Variants in SPICE1 observed in about 807,000 individuals in gnomAD.
SPICE1 encodes the protein spindle and centriole-associated protein 1.
A neutral mutation model predicts 102.7 loss-of-function variants in SPICE1; 75 were observed. The observed-to-expected ratio is 0.73, with a 90% CI of 0.61 to 0.88. The LOEUF (loss-of-function observed/expected upper bound fraction) is 0.88, where lower values mean the gene tolerates loss of function less well. Among genes scored for constraint, SPICE1 ranks in the 40% least tolerant of loss-of-function variants. The pLI is 0.00. For missense variants in SPICE1, 979 were observed against 1,020.1 expected, an observed-to-expected ratio of 0.96 and a Z score of 0.55; for synonymous variants, 308 against 350.3, an observed-to-expected ratio of 0.88 and a Z score of 1.35.
At chr3:113,500,556 ATATG>A (rs1352383416) in intron 3 of SPICE1, among the ~76,000 whole-genome samples, 2 of 152,170 alleles carry the variant, frequency 1.3e-5, no homozygotes, top group African/African-American at 2.4e-5. Context: ...TGCAAACTGA[ATATG>A]TAAGCACAAA....
At chr3:113,466,439 G>A (rs148240912) in intron 10 of SPICE1, among the ~76,000 whole-genome samples, 3,914 of 151,836 alleles carry the variant, frequency 0.026, 63 homozygotes, top group East Asian at 0.054. Context: ...ATGAAACCCC[G>A]TCTCTACTAA....
At chr3:113,477,201 G>A (rs1936372379) in intron 7 of SPICE1, among the ~76,000 whole-genome samples, 1 of 152,062 alleles carries the variant, frequency 6.6e-6, no homozygotes. Context: ...ACCATCACTG[G>A]CCATCAGAGA....
chr3:113,445,722 T>C (rs1287036570), intron 17 of SPICE1, among the ~76,000 whole-genome samples: 2 of 152,190 alleles, frequency 1.3e-5, no homozygotes, highest in Non-Finnish European at 1.5e-5. Context: ...TAGCTTACTT[T>C]AAAGCTTTTG....
intron 11 of SPICE1, among the ~76,000 whole-genome samples, chr3:113,463,627 C>T (rs1453726826): frequency 6.6e-6 from 1 of 152,142 alleles, no homozygotes; most frequent in Non-Finnish European, 1.5e-5. Context: ...ATAAATTAAC[C>T]TTAAACATTA....
chr3:113,503,075 C>A (rs969212080), intron 3 of SPICE1, 105 bp downstream of exon 3: 8 of 1,196,720 alleles, frequency 6.7e-6, no homozygotes, highest in Non-Finnish European at 9.5e-6. Context: ...TTAAACATAA[C>A]TGAACAACTT....
chr3:113,504,563 C>G (rs7642163), intron 2 of SPICE1, among the ~76,000 whole-genome samples: 1 of 122,572 alleles, frequency 8.2e-6, no homozygotes, highest in African/African-American at 3.7e-5. Context: ...CATAGCAAGA[C>G]CTTGTCTCAA....
chr3:113,497,596 C>A (rs1234096166), intron 4 of SPICE1, among the ~76,000 whole-genome samples: 16 of 151,698 alleles, frequency 1.1e-4, no homozygotes, highest in African/African-American at 3.9e-4. Flanking sequence ...TAAAAAACAC[C>A]TACATGGGGC....
intron 7 of SPICE1, among the ~76,000 whole-genome samples, chr3:113,480,872 G>A (rs115182395): frequency 0.063 from 5,424 of 85,946 alleles, 149 homozygotes; most frequent in African/African-American, 0.12. Context: ...GTGAGATCCT[G>A]TCTCAAAAAA....
chr3:113,503,841 G>A (rs548961865), intron 2 of SPICE1, among the ~76,000 whole-genome samples: 1 of 151,286 alleles, frequency 6.6e-6, no homozygotes, highest in South Asian at 2.1e-4. Context: ...GCTGAGGCAG[G>A]AGAATCACTT....
At chr3:113,459,431 AAAAACAAAACAAAAC>A (rs140423755) in intron 12 of SPICE1, 4 of 956,742 alleles carry the variant, frequency 4.2e-6, no homozygotes, top group African/African-American at 1.8e-5. Flanking sequence ...AAAAAAAATT[AAAAACAAAACAAAAC>A]AAAACAAAAC....
intron 7 of SPICE1, among the ~76,000 whole-genome samples, chr3:113,484,738 A>G (rs189005112): frequency 2.7e-5 from 4 of 150,902 alleles, no homozygotes; most frequent in Admixed American, 2.6e-4. Context: ...CTGTGGTCGG[A>G]GAGACTGTTT....
intron 6 of SPICE1, 111 bp from the exon 7 acceptor site, chr3:113,489,174 C>T: frequency 1.6e-6 from 1 of 640,252 alleles, no homozygotes; most frequent in Non-Finnish European, 2.7e-6. Flanking sequence ...AAGCCCTCCA[C>T]ATGTTGTAGA....
intron 17 of SPICE1, among the ~76,000 whole-genome samples, chr3:113,445,638 T>C (rs943116029): frequency 2.0e-5 from 3 of 152,148 alleles, no homozygotes; most frequent in African/African-American, 7.2e-5. Flanking sequence ...TTTAAAATGA[T>C]AAAAAGGCAG....
chr3:113,501,709 A>G (rs1937011016), intron 3 of SPICE1, among the ~76,000 whole-genome samples: 1 of 152,182 alleles, frequency 6.6e-6, no homozygotes, highest in Non-Finnish European at 1.5e-5. Context: ...TTGAAACCAC[A>G]ATGAGACAGC....
chr3:113,497,892 T>G (rs1936931090), intron 4 of SPICE1, among the ~76,000 whole-genome samples: 1 of 151,162 alleles, frequency 6.6e-6, no homozygotes, highest in South Asian at 2.1e-4. Flanking sequence ...TTTTTTTTTT[T>G]TGGTTTTGCT....
intron 6 of SPICE1, among the ~76,000 whole-genome samples, chr3:113,490,577 G>C (rs781386357): frequency 2.6e-5 from 4 of 152,024 alleles, no homozygotes; most frequent in Non-Finnish European, 5.9e-5. Context: ...AGGAGGTAGA[G>C]GCTGCAGTGA....
chr3:113,467,920 C>T (rs1936098757), intron 10 of SPICE1, among the ~76,000 whole-genome samples: 1 of 152,106 alleles, frequency 6.6e-6, no homozygotes, highest in African/African-American at 2.4e-5. Context: ...TGCTAAAGCT[C>T]TTATTAAAAT....
At chr3:113,468,063 T>C in intron 10 of SPICE1, 76 bp downstream of exon 10, 3 of 1,532,092 alleles carry the variant, frequency 2.0e-6, no homozygotes, top group Middle Eastern at 1.7e-4. Flanking sequence ...TATTTGGAGG[T>C]TGCAATAAAT....
At chr3:113,487,203 T>G (rs944446143) in intron 7 of SPICE1, among the ~76,000 whole-genome samples, 1 of 152,116 alleles carries the variant, frequency 6.6e-6, no homozygotes, top group Non-Finnish European at 1.5e-5. Flanking sequence ...CCAAAACTAT[T>G]TTCTATGTAT....
Sources: allele counts gnomAD v4.1 joint callset (sites outside exome capture counted in the v4.1 genomes callset), GRCh38; gene constraint gnomAD v4.1.1; transcripts MANE v1.5; gene names NCBI Gene and HGNC (gene_info 2026-07-23, HGNC 2026-07-21).